The following TMPRSS12 variants were observed in gnomAD, a reference collection of about 807,000 sequenced individuals.
TMPRSS12 encodes transmembrane protease serine 12.
Under a neutral mutation model 26.0 loss-of-function variants are expected in TMPRSS12, and 25 were observed. The observed-to-expected ratio is 0.96, with a 90% CI of 0.70 to 1.34. The LOEUF (loss-of-function observed/expected upper bound fraction) is 1.34. Among genes scored for constraint, TMPRSS12 ranks in the 40% most tolerant of loss-of-function variants. The probability of loss-of-function intolerance (pLI) is 0.00; values close to 1 mark genes in which losing one functional copy is unlikely to be tolerated. For missense variants in TMPRSS12, 441 were observed against 440.1 expected, an observed-to-expected ratio of 1.00 and a Z score of -0.02; for synonymous variants, 150 against 161.7, an observed-to-expected ratio of 0.93 and a Z score of 0.55.
rs201446604 is a variant in TMPRSS12 at position 50,887,380 on chromosome 12, G to A, written c.914G>A (p.Gly305Glu). Reference sequence around the variant, plus strand: ...AGAGGTTTTCCTGGTGTCTATATTGGGCCATCCTTCTACCAAAAGTGGCTG... The same window carrying A: ...AGAGGTTTTCCTGGTGTCTATATTGAGCCATCCTTCTACCAAAAGTGGCTG... ...GRRGFPGVYI[G>E]PSFYQKWLTE... Residue 305 changes from glycine to glutamate, a missense_variant, in exon 5 of 5, where the codon GGG (glycine) becomes GAG (glutamate). Transcript: ENST00000398458. 126 of 1,613,780 alleles carry A rather than the reference G, an allele frequency of 7.8e-5. No homozygotes were observed. In the African/African-American group the frequency reaches 1.6e-3, roughly 20 times the overall value.
At chr12:50,864,488 A>T (rs1292462205) in intron 3 of TMPRSS12, among the ~76,000 whole-genome samples, 1 of 152,192 alleles carries the variant, frequency 6.6e-6, no homozygotes, top group Non-Finnish European at 1.5e-5. Context: ...AAAGATCACC[A>T]AACACATAAG....
At chr12:50,858,458 G>T (rs558884319) in intron 2 of TMPRSS12, among the ~76,000 whole-genome samples, 14 of 152,236 alleles carry the variant, frequency 9.2e-5, no homozygotes, top group African/African-American at 3.4e-4. Context: ...TTATTTCAGG[G>T]ATCTAGTTTT....
intron 3 of TMPRSS12, among the ~76,000 whole-genome samples, chr12:50,871,342 G>A (rs1938040647): frequency 6.6e-6 from 1 of 152,140 alleles, no homozygotes; most frequent in Non-Finnish European, 1.5e-5. Context: ...AACGTAAAAT[G>A]GGGAAAGGAC....
intron 3 of TMPRSS12, among the ~76,000 whole-genome samples, chr12:50,873,444 CAAT>C (rs1938085744): frequency 6.6e-6 from 1 of 152,020 alleles, no homozygotes; most frequent in Non-Finnish European, 1.5e-5. Context: ...AACTATCATT[CAAT>C]AATATCTGTG....
chr12:50,857,817 CGTTGTTGTTGTT>C (rs547869410), intron 2 of TMPRSS12, among the ~76,000 whole-genome samples: 5 of 96,862 alleles, frequency 5.2e-5, no homozygotes, highest in East Asian at 3.3e-4. Flanking sequence ...TCGTTGTTGT[CGTTGTTGTTGTT>C]GTTGTTGTTG....
chr12:50,875,351 T>C (rs1033996575), intron 3 of TMPRSS12, among the ~76,000 whole-genome samples: 3 of 151,362 alleles, frequency 2.0e-5, no homozygotes, highest in Admixed American at 6.6e-5. Flanking sequence ...ATTAGCCAGG[T>C]GTGGTGGCAC....
At chr12:50,860,858 G>A (rs1376924722) in intron 3 of TMPRSS12, among the ~76,000 whole-genome samples, 1 of 152,070 alleles carries the variant, frequency 6.6e-6, no homozygotes, top group African/African-American at 2.4e-5. Context: ...AAATCCTCCT[G>A]CTTCAGCCTC....
intron 2 of TMPRSS12, among the ~76,000 whole-genome samples, chr12:50,857,704 T>G (rs1049398442): frequency 3.3e-5 from 5 of 152,222 alleles, no homozygotes; most frequent in African/African-American, 1.2e-4. Context: ...TTGCTTCTTG[T>G]TTTTACCTTT....
At chr12:50,865,860 T>C (rs1182311840) in intron 3 of TMPRSS12, among the ~76,000 whole-genome samples, 2 of 152,186 alleles carry the variant, frequency 1.3e-5, no homozygotes, top group Non-Finnish European at 2.9e-5. Context: ...CCCCTTTGCC[T>C]TCTGCCATGA....
At chr12:50,853,706 T>G (rs926623058) in intron 2 of TMPRSS12, among the ~76,000 whole-genome samples, 4 of 151,596 alleles carry the variant, frequency 2.6e-5, no homozygotes, top group Non-Finnish European at 4.4e-5. Context: ...ATTATGAACA[T>G]CTGAATGTAC....
intron 3 of TMPRSS12, among the ~76,000 whole-genome samples, chr12:50,882,180 T>A (rs1202404013): frequency 6.8e-6 from 1 of 146,292 alleles, no homozygotes; most frequent in Non-Finnish European, 1.5e-5. Flanking sequence ...CCAAGCACAG[T>A]TGTTCACACC....
intron 3 of TMPRSS12, among the ~76,000 whole-genome samples, chr12:50,866,685 A>T (rs993820983): frequency 6.6e-6 from 1 of 152,160 alleles, no homozygotes; most frequent in Non-Finnish European, 1.5e-5. Context: ...GCACAAAAAT[A>T]GGACATTAAA....
Position 50,887,347 on chromosome 12 carries a change from G to A in TMPRSS12, c.881G>A (p.Cys294Tyr). 1.2e-6 allele frequency: 2 copies of A among 1,613,962 alleles called. No individual in the cohort carries two copies. Among genetic ancestry groups the A allele is most frequent in the South Asian group, 1.1e-5 (1 of 91,086 alleles). The change falls in exon 5 of 5, where the codon TGT (cysteine) becomes TAT (tyrosine). Residue 294 changes from cysteine (C) to tyrosine (Y), a missense_variant. Cys to Tyr is a radical substitution (Grantham distance 194). Transcript: ENST00000398458. ...VMGITSYGHG[C>Y]GRRGFPGVYI... ...GGAATTACCAGTTACGGACATGGCT[G>A]TGGTCGAAGAGGTTTTCCTGGTGTC...
At chr12:50,846,434 A>G (rs1466671786) in intron 2 of TMPRSS12, among the ~76,000 whole-genome samples, 1 of 152,200 alleles carries the variant, frequency 6.6e-6, no homozygotes, top group African/African-American at 2.4e-5. Context: ...ATCTTCATTG[A>G]AAATCAATTG....
At chr12:50,853,818 A>G (rs548861693) in intron 2 of TMPRSS12, among the ~76,000 whole-genome samples, 2 of 152,300 alleles carry the variant, frequency 1.3e-5, no homozygotes, top group African/African-American at 4.8e-5. Context: ...ACAAGTTCCA[A>G]CACTAAATCA....
rs77038050 is a variant in TMPRSS12, at chr12:50,849,537, C to T, written c.383+5500C>T. Among the ~76,000 whole-genome samples the T allele has an allele frequency of 1.4e-3, 205 of 151,466 alleles. 2 individuals carry two copies. The East Asian group carries it at 0.035, about 26-fold the overall frequency. ...CCTCTCATGACCCTTTGTAGCCAAC[C>T]CCTGCCCCTGCATCCAGCCCTTGGC... On this transcript the variant is annotated intron_variant, in intron 2 of 4. Coordinates refer to ENST00000398458, the MANE Select transcript of TMPRSS12 (RefSeq NM_182559.3).
At chr12:50,885,796 C>G (rs992430199) in intron 4 of TMPRSS12, 1 of 366,496 alleles carries the variant, frequency 2.7e-6, no homozygotes, top group Non-Finnish European at 4.8e-6. Context: ...GCTGGAATTA[C>G]AGGCACACAT....
intron 3 of TMPRSS12, among the ~76,000 whole-genome samples, chr12:50,879,969 A>G (rs1017836642): frequency 2.0e-5 from 3 of 152,054 alleles, no homozygotes; most frequent in African/African-American, 4.8e-5. Flanking sequence ...AGAGCCTGTC[A>G]CAAAAACATT....
Position 50,843,999 on chromosome 12 carries a change from G to A in TMPRSS12, c.345G>A (p.Arg115=), listed in dbSNP as rs374807523. 1.9e-4 allele frequency: 303 copies of A among 1,602,620 alleles called. 1 individual carries two copies. The highest frequency in any genetic ancestry group is 2.5e-4 in the Non-Finnish European group (294 of 1,175,060). Residue 115 remains arginine, a synonymous_variant, in exon 2 of 5, where the codon AGG becomes AGA. Transcript: ENST00000398458. The part of the protein sequence containing the change: ...HVCGGTLVRE[R]WVLTAAHCTK... The stretch of plus-strand genomic sequence containing the variant: ...GTGGGGGAACCCTAGTGAGAGAGAG[G>A]TGGGTCCTCACAGCTGCCCACTGCA...
Sources: allele counts gnomAD v4.1 joint callset (sites outside exome capture counted in the v4.1 genomes callset), GRCh38; gene constraint gnomAD v4.1.1; transcripts MANE v1.5; gene names NCBI Gene and HGNC (gene_info 2026-07-23, HGNC 2026-07-21).